Variants in AP2A2 observed in about 807,000 individuals in gnomAD.
AP2A2 encodes adaptor related protein complex 2 subunit alpha 2.
AP2A2 carries 32 observed loss-of-function variants against 104.2 expected under a neutral mutation model. The observed-to-expected ratio is 0.31, with a 90% confidence interval of 0.23 to 0.41. The LOEUF is 0.41. Among genes scored for constraint, AP2A2 ranks in the 10% least tolerant of loss-of-function variants. The probability of loss-of-function intolerance (pLI) is 1.00; values close to 1 mark genes in which losing one functional copy is unlikely to be tolerated. For synonymous variants in AP2A2, 539 were observed against 533.3 expected (o/e 1.01, Z -0.15); for missense variants, 912 against 1,261.0 (o/e 0.72, Z 4.19).
Position 1,008,052 on chromosome 11 carries a change from G to A in AP2A2, c.2337G>A (p.Glu779=). The A allele has an allele frequency of 6.3e-7, 1 of 1,578,124 alleles. No homozygotes were observed. Among genetic ancestry groups the A allele is most frequent in the South Asian group, 1.2e-5 (1 of 86,110 alleles). The part of the protein sequence containing the change: ...LQTKPVDPTV[E]GGAQVQQVVN... ...CCAAGCCCGTGGACCCGACCGTGGA[G>A]GGGGGCGCGCAGGTGCAGCAGGTGG... is the stretch of plus-strand genomic sequence containing the variant. Residue 779 remains glutamate (E), a synonymous_variant, in exon 18 of 22, where the codon GAG becomes GAA. Transcript: ENST00000448903.
At position 985,435 on chromosome 11, in the gene AP2A2, AC is replaced by A; in HGVS notation, c.818del (p.Pro273LeufsTer7). 1 of 1,613,554 alleles carries A rather than the reference AC, an allele frequency of 6.2e-7. No individual in the cohort carries two copies. The highest frequency in any genetic ancestry group is 8.5e-7 in the Non-Finnish European group (1 of 1,179,746). ...AGCACCGTTCTGTCTTGCCCAGAAG[AC>A]CCTGCAGTGCGAGGCCGCCTGACTG... Reference protein sequence around the residue: ...LRLLQCYPPPDPAVRGRLTEC... With the variant: ...LRLLQCYPPPXPAVRGRLTEC... On this transcript the variant is annotated frameshift_variant and splice_region_variant, in exon 8 of 22. Coordinates refer to ENST00000448903, the MANE Select transcript of AP2A2 (RefSeq NM_012305.4). LOFTEE classifies it high-confidence loss of function.
chr11:982,943 G>A (rs1377460465), intron 6 of AP2A2, among the ~76,000 whole-genome samples: 1 of 151,216 alleles, frequency 6.6e-6, no homozygotes, highest in African/African-American at 2.4e-5. Context: ...GAGCCCCTGC[G>A]CCTGGCTGTG....
intron 16 of AP2A2, among the ~76,000 whole-genome samples, chr11:1,005,629 G>A (rs1369107907): frequency 6.6e-6 from 1 of 152,210 alleles, no homozygotes; most frequent in Non-Finnish European, 1.5e-5. Flanking sequence ...GCCTCCTCAG[G>A]ACTGCTCTCT....
rs193021661 is a variant in AP2A2 at position 993,280 on chromosome 11, G to A, written c.1453-4G>A. The A allele has an allele frequency of 6.2e-5, 100 of 1,603,342 alleles. No individual in the cohort carries two copies. In the African/African-American group the frequency reaches 8.2e-4, roughly 13 times the overall value. The stretch of plus-strand genomic sequence containing the variant: ...CACCCCGGCTCATTGTTTGTGCTTC[G>A]CAGGCTCTTCAGGCTCCCGCGTGCC... On this transcript the variant is annotated splice_polypyrimidine_tract_variant and splice_region_variant and intron_variant, in intron 11 of 21. Coordinates refer to ENST00000448903, the MANE Select transcript of AP2A2 (RefSeq NM_012305.4). The surrounding 1 kb of genome is among the most constrained non-coding windows in gnomAD (Gnocchi z 8.2).
chr11:966,158 T>G (rs957109929), intron 2 of AP2A2, among the ~76,000 whole-genome samples: 1 of 152,374 alleles, frequency 6.6e-6, no homozygotes, highest in South Asian at 2.1e-4. Context: ...GAATTTCTTA[T>G]GACTGATCAT....
At chr11:1,008,942 G>A in intron 18 of AP2A2, 158 bp from the exon 19 acceptor site, 1 of 625,926 alleles carries the variant, frequency 1.6e-6, no homozygotes, top group South Asian at 1.9e-5. Context: ...TGGACACTGA[G>A]CCACACACGA....
intron 1 of AP2A2, among the ~76,000 whole-genome samples, chr11:927,095 C>G (rs757248132): frequency 6.6e-6 from 1 of 152,124 alleles, no homozygotes; most frequent in African/African-American, 2.4e-5. Context: ...GAGACAGGGT[C>G]TTGCTCTGGC....
At chr11:950,002 A>C (rs1853992207) in intron 1 of AP2A2, among the ~76,000 whole-genome samples, 1 of 152,178 alleles carries the variant, frequency 6.6e-6, no homozygotes, top group African/African-American at 2.4e-5. Flanking sequence ...AGATAGTATA[A>C]TACTGGTATA....
chr11:987,993 G>T (rs912752230), intron 9 of AP2A2, among the ~76,000 whole-genome samples: 1 of 152,258 alleles, frequency 6.6e-6, no homozygotes, highest in African/African-American at 2.4e-5. Flanking sequence ...GTTTGTTTTA[G>T]TCAATCCCTA....
Position 998,040 on chromosome 11 carries a change from C to T in AP2A2, c.1957-2392C>T, listed in dbSNP as rs183934406. On this transcript the variant is annotated intron_variant, in intron 14 of 21. Coordinates refer to ENST00000448903, the MANE Select transcript of AP2A2 (RefSeq NM_012305.4). Reference sequence around the variant, plus strand: ...GCAGGTGCATGGCCATGGCCAAGGCCGATGGCTTCCCACGCAGCTCACAGC... The same window carrying T: ...GCAGGTGCATGGCCATGGCCAAGGCTGATGGCTTCCCACGCAGCTCACAGC... 1.3e-3 allele frequency among the ~76,000 whole-genome samples: 191 copies of T among 152,394 alleles called. 3 individuals carry two copies. The highest frequency in any genetic ancestry group is 4.5e-3 in the African/African-American group (186 of 41,594).
At chr11:955,537 G>A (rs918808955) in intron 1 of AP2A2, among the ~76,000 whole-genome samples, 1 of 152,120 alleles carries the variant, frequency 6.6e-6, no homozygotes, top group African/African-American at 2.4e-5. Flanking sequence ...GAGACTGACT[G>A]GGACAGGAGG....
chr11:938,820 G>T (rs1853551664), intron 1 of AP2A2, among the ~76,000 whole-genome samples: 1 of 152,112 alleles, frequency 6.6e-6, no homozygotes, highest in Non-Finnish European at 1.5e-5. Context: ...TTTCTAGTCT[G>T]TTCTATGAAA....
intron 1 of AP2A2, among the ~76,000 whole-genome samples, chr11:930,410 C>T (rs530987903): frequency 2.0e-5 from 3 of 152,218 alleles, no homozygotes; most frequent in Admixed American, 6.5e-5. Flanking sequence ...GTCAACCCAG[C>T]GGCCACTGCA....
chr11:1,010,808 G>A lies in AP2A2; in HGVS notation c.*183G>A. On this transcript the variant is annotated 3_prime_UTR_variant, in exon 22 of 22. Coordinates refer to ENST00000448903, the MANE Select transcript of AP2A2 (RefSeq NM_012305.4). ...GGAACACACGTGTGTGGCTCAGGAGGAAAAGCTCAGCCTGGACTGTGGCAG... is the reference window on the plus strand; with the variant it reads ...GGAACACACGTGTGTGGCTCAGGAGAAAAAGCTCAGCCTGGACTGTGGCAG... The A allele has an allele frequency of 1.5e-6, 1 of 670,166 alleles. No homozygotes were observed. Among genetic ancestry groups the A allele is most frequent in the Non-Finnish European group, 2.7e-6 (1 of 368,812 alleles). The allele number at this position is 670,166 out of a possible 1,614,324, so 41.5% of individuals were successfully genotyped here.
chr11:993,797 T>A lies in AP2A2; in HGVS notation c.1594T>A (p.Cys532Ser), dbSNP rs1025346572. 5.6e-6 allele frequency: 9 copies of A among 1,606,736 alleles called. No individual in the cohort carries two copies. The highest frequency in any genetic ancestry group is 7.6e-6 in the Non-Finnish European group (9 of 1,179,056). Residue 532 changes from cysteine (C) to serine (S), a missense_variant, in exon 13 of 22, where the codon TGC (cysteine) becomes AGC (serine). Physicochemically the swap from Cys to Ser is moderately radical, Grantham distance 112. This residue lies in a region of AP2A2 where 137 missense variants were observed against 186.9 expected (regional missense o/e 0.73). Coordinates refer to ENST00000448903, the MANE Select transcript of AP2A2 (RefSeq NM_012305.4). This position sits in a 1 kb window ranked among gnomAD's most constrained non-coding sequence, Gnocchi z 8.2. ...CCTGCTGCACTCCAAGTTCCACCTG[T>A]GCAGCGTCCCCACCCGCGCGCTGCT... ...FHLLHSKFHL[C>S]SVPTRALLLS...
At chr11:928,383 C>T (rs144927038) in intron 1 of AP2A2, among the ~76,000 whole-genome samples, 1 of 152,298 alleles carries the variant, frequency 6.6e-6, no homozygotes, top group African/African-American at 2.4e-5. Flanking sequence ...AAAAAAGCAG[C>T]TTGTATAGGA....
intron 6 of AP2A2, among the ~76,000 whole-genome samples, chr11:983,702 T>C (rs1302898303): frequency 6.6e-6 from 1 of 152,220 alleles, no homozygotes; most frequent in African/African-American, 2.4e-5. Flanking sequence ...TTTAAACGCT[T>C]GAGATGAATT....
intron 4 of AP2A2, among the ~76,000 whole-genome samples, chr11:973,488 G>T (rs763479078): frequency 1.3e-5 from 2 of 152,166 alleles, no homozygotes; most frequent in Non-Finnish European, 2.9e-5. Flanking sequence ...ATTCAGAAGC[G>T]CAAGAGCTCA....
At chr11:998,883 G>A (rs1405123956) in intron 14 of AP2A2, among the ~76,000 whole-genome samples, 2 of 152,102 alleles carry the variant, frequency 1.3e-5, no homozygotes, top group Non-Finnish European at 2.9e-5. Flanking sequence ...TAGTAGAGAC[G>A]GGGTTTCACC....
Sources: allele counts gnomAD v4.1 joint callset (sites outside exome capture counted in the v4.1 genomes callset), GRCh38; gene constraint gnomAD v4.1.1; regional missense constraint gnomAD v4.1.1; non-coding constraint Gnocchi (gnomAD v3.1); transcripts MANE v1.5; gene names NCBI Gene and HGNC (gene_info 2026-07-23, HGNC 2026-07-21).